Variants in NAALADL2 observed in about 807,000 individuals in gnomAD.
The protein encoded by NAALADL2 is inactive N-acetylated-alpha-linked acidic dipeptidase-like protein 2.
NAALADL2 carries 76 observed loss-of-function variants against 87.2 expected under a neutral mutation model. The ratio of observed to expected loss-of-function variants is 0.87; its 90% confidence interval spans 0.72 to 1.05. The LOEUF (loss-of-function observed/expected upper bound fraction) is 1.05. Ranked by LOEUF, NAALADL2 falls within the 50% of genes least tolerant of loss-of-function variation. NAALADL2 has a pLI of 0.00. For synonymous variants in NAALADL2, 354 were observed against 331.0 expected (o/e 1.07, Z -0.75); for missense variants, 1,089 against 945.8 (o/e 1.15, Z -1.99).
chr3:175,354,600 T>C (rs1764136647), intron 5 of NAALADL2, among the ~76,000 whole-genome samples: 1 of 152,088 alleles, frequency 6.6e-6, no homozygotes, highest in African/African-American at 2.4e-5. Context: ...GAAAATTGAT[T>C]TACCTTTTTT....
intron 4 of NAALADL2, among the ~76,000 whole-genome samples, chr3:175,276,124 A>C (rs1022500537): frequency 7.4e-6 from 1 of 135,090 alleles, no homozygotes; most frequent in African/African-American, 2.8e-5. Flanking sequence ...CTAAGTATAC[A>C]TAAGAACATC....
At chr3:175,385,344 T>C (rs1301598890) in intron 5 of NAALADL2, among the ~76,000 whole-genome samples, 2 of 152,136 alleles carry the variant, frequency 1.3e-5, no homozygotes, top group Non-Finnish European at 2.9e-5. Flanking sequence ...ATAGATTCCA[T>C]TGTGAAATTG....
At chr3:174,877,242 A>G (rs571289651) in intron 1 of NAALADL2, among the ~76,000 whole-genome samples, 3 of 152,258 alleles carry the variant, frequency 2.0e-5, no homozygotes, top group South Asian at 2.1e-4. Context: ...TTATTTTCAT[A>G]TATTTTACAT....
intron 11 of NAALADL2, among the ~76,000 whole-genome samples, chr3:175,692,457 G>A (rs1364122334): frequency 5.9e-5 from 9 of 152,004 alleles, no homozygotes; most frequent in Admixed American, 3.3e-4. Context: ...CAATTCTGGA[G>A]TTTCCACAGA....
At chr3:175,354,881 T>C (rs201751014) in intron 5 of NAALADL2, among the ~76,000 whole-genome samples, 214 of 146,932 alleles carry the variant, frequency 1.5e-3, no homozygotes, top group Admixed American at 4.8e-3. Context: ...TACATATATA[T>C]ACACACACAC....
intron 2 of NAALADL2, among the ~76,000 whole-genome samples, chr3:174,611,144 A>G (rs1719815725): frequency 8.0e-6 from 1 of 125,466 alleles, no homozygotes; most frequent in Non-Finnish European, 1.6e-5. Flanking sequence ...GAAGGGGAAC[A>G]TCATACTCTG....
chr3:175,029,291 C>T (rs1282998396), intron 1 of NAALADL2, among the ~76,000 whole-genome samples: 3 of 151,990 alleles, frequency 2.0e-5, no homozygotes, highest in Admixed American at 6.6e-5. Flanking sequence ...GCTTCCCTTA[C>T]GTTCATTCAG....
In NAALADL2 at chr3:175,806,536, TAAC is replaced by T. The variant is rs1345910720; in HGVS notation, c.*3336_*3338del. 2.6e-5 allele frequency: 4 copies of T among 151,792 alleles called. No homozygotes were observed. Among genetic ancestry groups the T allele is most frequent in the African/African-American group, 9.7e-5 (4 of 41,378 alleles). 9.4% of individuals were successfully genotyped at this position (151,792 alleles called of 1,614,324 possible). A position where few individuals can be genotyped will look rare whatever the true frequency, so the allele number is the denominator to read the frequency against. On this transcript the variant is annotated 3_prime_UTR_variant, in exon 14 of 14. Coordinates refer to ENST00000454872, the MANE Select transcript of NAALADL2 (RefSeq NM_207015.3). ...TTCTAAATAAATTGAAGAGTCATAA[TAAC>T]AAGAAAGACGTAAAGATTTGTTATT...
chr3:175,139,236 T>C (rs937484149), intron 2 of NAALADL2, among the ~76,000 whole-genome samples: 2 of 151,882 alleles, frequency 1.3e-5, no homozygotes, highest in African/African-American at 4.8e-5. Context: ...AGTTACTGCT[T>C]CTCTTTCCCT....
At chr3:174,948,320 G>A (rs1328548009) in intron 1 of NAALADL2, among the ~76,000 whole-genome samples, 1 of 152,058 alleles carries the variant, frequency 6.6e-6, no homozygotes, top group Non-Finnish European at 1.5e-5. Context: ...GGGACTATAG[G>A]CGTGTGCCAC....
At chr3:174,786,707 T>G (rs192289319) in intron 3 of NAALADL2, among the ~76,000 whole-genome samples, 5 of 152,116 alleles carry the variant, frequency 3.3e-5, no homozygotes, top group African/African-American at 1.2e-4. Flanking sequence ...GAAACCAAAT[T>G]GTAATGTTAT....
intron 5 of NAALADL2, among the ~76,000 whole-genome samples, chr3:175,401,781 G>C (rs1770590689): frequency 2.6e-5 from 4 of 152,080 alleles, no homozygotes. Flanking sequence ...TTTATTATAT[G>C]TATACCTATT....
At chr3:174,850,035 C>T (rs974928311) in intron 3 of NAALADL2, among the ~76,000 whole-genome samples, 3 of 152,126 alleles carry the variant, frequency 2.0e-5, no homozygotes, top group Non-Finnish European at 4.4e-5. Context: ...TGTTAACATA[C>T]ATTTCTTTCA....
At chr3:175,060,695 A>G (rs979833196) in intron 1 of NAALADL2, among the ~76,000 whole-genome samples, 2 of 152,210 alleles carry the variant, frequency 1.3e-5, no homozygotes, top group Non-Finnish European at 2.9e-5. Context: ...TACAGGGTAT[A>G]CATAGTAGGA....
intron 3 of NAALADL2, among the ~76,000 whole-genome samples, chr3:174,794,513 G>A (rs1224309367): frequency 1.3e-5 from 2 of 152,214 alleles, no homozygotes; most frequent in East Asian, 3.9e-4. Context: ...ATTGCTGGAG[G>A]TTGATTACAG....
At chr3:175,573,515 T>C (rs990425953) in intron 9 of NAALADL2, among the ~76,000 whole-genome samples, 2 of 152,232 alleles carry the variant, frequency 1.3e-5, no homozygotes, top group Non-Finnish European at 2.9e-5. Context: ...TGATGGATGT[T>C]AATAAATGTC....
At chr3:175,393,647 A>C in intron 5 of NAALADL2, among the ~76,000 whole-genome samples, 1 of 152,242 alleles carries the variant, frequency 6.6e-6, no homozygotes, top group Non-Finnish European at 1.5e-5. Context: ...ATTATTTGAG[A>C]GTAAATTATC....
rs138386122 is a variant in NAALADL2 at position 174,559,489 on chromosome 3, A to C, written c.-115+8852A>C. ...GGGGTTAATCAGAAGTCAGCATGGCAGATTATCGTGCAAGATGGAGTTGCT... is the reference window on the plus strand; with the variant it reads ...GGGGTTAATCAGAAGTCAGCATGGCCGATTATCGTGCAAGATGGAGTTGCT... On this transcript the variant is annotated intron_variant, in intron 2 of 3. Coordinates refer to the NAALADL2 transcript ENST00000434257. 4.5e-4 allele frequency among the ~76,000 whole-genome samples: 69 copies of C among 152,254 alleles called. No homozygotes were observed. In the East Asian group the frequency reaches 0.012, roughly 27 times the overall value.
intron 1 of NAALADL2, among the ~76,000 whole-genome samples, chr3:174,980,455 A>C (rs1744961367): frequency 6.6e-6 from 1 of 152,140 alleles, no homozygotes. Context: ...TGCTATGATC[A>C]AGCCTGTGAA....
Sources: allele counts gnomAD v4.1 joint callset (sites outside exome capture counted in the v4.1 genomes callset), GRCh38; gene constraint gnomAD v4.1.1; transcripts MANE v1.5; gene names NCBI Gene and HGNC (gene_info 2026-07-23, HGNC 2026-07-21).